TNS1: variants seen among roughly 807,000 people sequenced by gnomAD.
TNS1 encodes the protein tensin-1.
Under a neutral mutation model 168.6 loss-of-function variants are expected in TNS1, and 62 were observed. That is an observed-to-expected ratio of 0.37 (90% CI 0.30 to 0.45). The LOEUF (loss-of-function observed/expected upper bound fraction) is 0.45. TNS1 is among the 20% of genes least tolerant of loss of function. The pLI, the probability that TNS1 is intolerant of heterozygous loss-of-function variation, is 1.00. For missense variants in TNS1, 2,240 were observed against 2,339.4 expected (o/e 0.96, Z 0.88); for synonymous variants, 934 against 933.2 (o/e 1.00, Z -0.02).
intron 1 of TNS1, among the ~76,000 whole-genome samples, chr2:217,992,178 C>T (rs1306954518): frequency 6.6e-6 from 1 of 152,184 alleles, no homozygotes; most frequent in Non-Finnish European, 1.5e-5. Flanking sequence ...CTGCCCCAGG[C>T]ACTCACCCTG....
At chr2:218,023,213 G>A (rs1958824154) in intron 1 of TNS1, among the ~76,000 whole-genome samples, 1 of 152,194 alleles carries the variant, frequency 6.6e-6, no homozygotes, top group Non-Finnish European at 1.5e-5. Flanking sequence ...CAGCAGAAAA[G>A]GCGAGGAGAC....
At chr2:217,954,338 A>G (rs138452642) in intron 3 of TNS1, among the ~76,000 whole-genome samples, 2,508 of 152,284 alleles carry the variant, frequency 0.016, 28 homozygotes, top group Non-Finnish European at 0.027. Context: ...AGCCAGAAAG[A>G]GACTGCCAAG....
At chr2:217,915,977 T>G (rs1954962241) in intron 4 of TNS1, among the ~76,000 whole-genome samples, 1 of 152,172 alleles carries the variant, frequency 6.6e-6, no homozygotes, top group South Asian at 2.1e-4. Flanking sequence ...TGAACTCTGG[T>G]GCCAGACCAC....
In TNS1 at chr2:217,961,659, T is replaced by G. The variant is rs3791884; in HGVS notation, c.186+17106A>C. Among the ~76,000 whole-genome samples, 9 of 152,076 alleles carry G rather than the reference T, an allele frequency of 5.9e-5. No homozygotes were observed. In the East Asian group the frequency reaches 1.7e-3, roughly 29 times the overall value. On this transcript the variant is annotated intron_variant, in intron 3 of 32. Coordinates refer to ENST00000682258, the MANE Select transcript of TNS1 (RefSeq NM_001387777.1). ...AAAACGAAAGATGCCAGGACCTGAA[T>G]GATACACTTTCATCCCAAATCAGCC... is the stretch of plus-strand genomic sequence containing the variant.
At chr2:217,908,015 T>G (rs936528233) in intron 4 of TNS1, among the ~76,000 whole-genome samples, 2 of 152,232 alleles carry the variant, frequency 1.3e-5, no homozygotes, top group African/African-American at 4.8e-5. Context: ...GTCTGGTCCT[T>G]AGTGTATGAA....
Position 217,831,541 on chromosome 2 carries a change from G to C in TNS1, c.3287C>G (p.Ser1096Cys), listed in dbSNP as rs750084484. Residue 1096 changes from serine to cysteine, a missense_variant, in exon 22 of 33, where the codon TCC becomes TGC. Transcript: ENST00000682258. ...PSSPPPSGVR[S>C]PPGLAKTPLS... ...GGGTGTCTTGGCCAGACCCGGGGGG[G>C]ACCGCACTGTGCCAGGAAGAAGAGG... The C allele has an allele frequency of 6.6e-7, 1 of 1,521,858 alleles. No homozygotes were observed. The highest frequency in any genetic ancestry group is 8.8e-7 in the Non-Finnish European group (1 of 1,139,064). The allele number at this position is 1,521,858 out of a possible 1,614,324, so 94.3% of individuals were successfully genotyped here. A position where few individuals can be genotyped will look rare whatever the true frequency, so the allele number is the denominator to read the frequency against.
At chr2:217,920,011 A>G (rs1009963027) in intron 4 of TNS1, among the ~76,000 whole-genome samples, 184 bp downstream of exon 4, 4 of 152,234 alleles carry the variant, frequency 2.6e-5, no homozygotes, top group Admixed American at 2.0e-4. Context: ...GCATCTCATC[A>G]GAAGGGACCT....
intron 32 of TNS1, among the ~76,000 whole-genome samples, chr2:217,805,395 G>A (rs1314901122): frequency 4.6e-5 from 3 of 65,226 alleles, no homozygotes; most frequent in Non-Finnish European, 6.7e-5. Flanking sequence ...GATTCTGCTG[G>A]TCCCTGTGTG....
chr2:218,022,328 T>G (rs1282837757), intron 1 of TNS1, among the ~76,000 whole-genome samples: 1 of 152,072 alleles, frequency 6.6e-6, no homozygotes, highest in East Asian at 1.9e-4. Flanking sequence ...CCTGACGGCC[T>G]CCTCTCAAAA....
rs112276534 is a variant in TNS1, at chr2:217,988,708, C to T, written c.148+2234G>A. On this transcript the variant is annotated intron_variant, in intron 2 of 32. Transcript: ENST00000682258. ...ACCTCTTGGGAGGAGGGTGACACCG[C>T]GTGGCTGATTTTGGTATTGCAAAAG... 3.3e-3 allele frequency among the ~76,000 whole-genome samples: 501 copies of T among 152,264 alleles called. 3 individuals are homozygous for T. The highest frequency in any genetic ancestry group is 0.011 in the African/African-American group (457 of 41,552).
At chr2:217,849,162 C>T (rs889026937) in intron 18 of TNS1, 75 bp from the exon 19 acceptor site, 17 of 1,516,766 alleles carry the variant, frequency 1.1e-5, no homozygotes, top group Non-Finnish European at 1.5e-5. Flanking sequence ...ATCCACTCTG[C>T]CAGAGAAAGA....
At chr2:218,002,708 C>T in intron 1 of TNS1, 132 bp downstream of exon 1, 1 of 442,676 alleles carries the variant, frequency 2.3e-6, no homozygotes. Flanking sequence ...AGGTCAGAGA[C>T]AGAAAGGCCC....
At chr2:217,922,978 C>T (rs181320553) in intron 3 of TNS1, among the ~76,000 whole-genome samples, 26 of 152,280 alleles carry the variant, frequency 1.7e-4, no homozygotes, top group Admixed American at 1.2e-3. Flanking sequence ...AAAAGGCTCT[C>T]GCCTTCTCTC....
At chr2:217,829,656 C>T (rs528293633) in intron 22 of TNS1, among the ~76,000 whole-genome samples, 2 of 152,310 alleles carry the variant, frequency 1.3e-5, no homozygotes, top group Non-Finnish European at 2.9e-5. Context: ...CAAGCTCCCC[C>T]ATCAGGACTC....
Position 217,813,332 on chromosome 2 carries a change from G to C in TNS1, c.4862-25C>G. The C allele has an allele frequency of 3.3e-6, 5 of 1,529,950 alleles. No homozygotes were observed. The highest frequency in any genetic ancestry group is 1.2e-5 in the South Asian group (1 of 84,304). The allele number at this position is 1,529,950 out of a possible 1,614,324, so 94.8% of individuals were successfully genotyped here. A position where few individuals can be genotyped will look rare whatever the true frequency, so the allele number is the denominator to read the frequency against. ...CCTGGGACAAAGAGAAAGAAATAAG[G>C]CTCAGTCCCTGCCCATGGCTTCCTC... On this transcript the variant is annotated intron_variant, in intron 26 of 32. Coordinates refer to ENST00000682258, the MANE Select transcript of TNS1 (RefSeq NM_001387777.1). This position sits in a 1 kb window ranked among gnomAD's most constrained non-coding sequence, Gnocchi z 4.0.
chr2:217,886,740 C>T, intron 12 of TNS1, 94 bp from the exon 13 acceptor site: 2 of 948,472 alleles, frequency 2.1e-6, no homozygotes, highest in Non-Finnish European at 3.3e-6. Flanking sequence ...CCCTAGACCA[C>T]TCACCTACTC....
intron 20 of TNS1, 24 bp from the exon 21 acceptor site, chr2:217,835,190 A>G: frequency 1.3e-6 from 2 of 1,598,098 alleles, no homozygotes; most frequent in African/African-American, 1.4e-5. Context: ...CAGGGGAGAA[A>G]AAGAGGGAAA....
At chr2:217,830,746 T>G (rs1301381027) in intron 22 of TNS1, among the ~76,000 whole-genome samples, 1 of 152,138 alleles carries the variant, frequency 6.6e-6, no homozygotes, top group Non-Finnish European at 1.5e-5. Context: ...GCAGCCAGCA[T>G]CGGGAGTAGG....
chr2:217,874,033 C>T (rs978693995), intron 18 of TNS1, among the ~76,000 whole-genome samples: 10 of 144,702 alleles, frequency 6.9e-5, no homozygotes, highest in Admixed American at 1.4e-4. Context: ...AACACACACA[C>T]ACACACACAC....
Sources: gnomAD v4.1 joint callset for allele counts (sites outside exome capture counted in the v4.1 genomes callset) on GRCh38, gnomAD v4.1.1 for gene constraint, Gnocchi (gnomAD v3.1) non-coding constraint, MANE v1.5 for transcripts, NCBI Gene and HGNC (gene_info 2026-07-23, HGNC 2026-07-21) for gene names.